The following SPON1 variants were observed in gnomAD, a reference collection of about 807,000 sequenced individuals.
SPON1 encodes spondin 1.
A neutral mutation model predicts 111.7 loss-of-function variants in SPON1; 52 were observed. The ratio of observed to expected loss-of-function variants is 0.47; its 90% confidence interval spans 0.37 to 0.59. SPON1 has a LOEUF of 0.59. SPON1 is among the 20% of genes least tolerant of loss of function. The pLI is 0.00. For synonymous variants in SPON1, 410 were observed against 395.8 expected, an observed-to-expected ratio of 1.04 and a Z score of -0.43; for missense variants, 957 against 1,068.5, an observed-to-expected ratio of 0.90 and a Z score of 1.46.
chr11:14,010,553 T>A lies in SPON1; in HGVS notation c.345+27600T>A, dbSNP rs530791541. 2.0e-4 allele frequency among the ~76,000 whole-genome samples: 30 copies of A among 152,126 alleles called. No homozygotes were observed. In the Middle Eastern group the frequency reaches 0.02, roughly 103 times the overall value. ...TTTAGATTTTCTGAGAGGAAAAAAA[T>A]CTCCTGCTGGCCTAGGCCAAGCAGG... On this transcript the variant is annotated intron_variant, in intron 2 of 15. Transcript: ENST00000576479.
At chr11:14,113,959 C>T (rs1470096058) in intron 5 of SPON1, among the ~76,000 whole-genome samples, 9 of 152,088 alleles carry the variant, frequency 5.9e-5, no homozygotes, top group Non-Finnish European at 4.4e-5. Flanking sequence ...GTATAGGGTA[C>T]ATGAGATGTT....
intron 5 of SPON1, 31 bp downstream of exon 5, chr11:14,080,052 G>A (rs781837092): frequency 3.8e-5 from 61 of 1,613,234 alleles, no homozygotes; most frequent in Non-Finnish European, 4.7e-5. Context: ...GTGGTTTGGG[G>A]AAAAGCACAT....
chr11:14,174,421 T>A (rs1430600283), intron 6 of SPON1, among the ~76,000 whole-genome samples: 1 of 152,204 alleles, frequency 6.6e-6, no homozygotes, highest in African/African-American at 2.4e-5. Context: ...TAATGTGAAG[T>A]AATTTGATAC....
chr11:14,229,951 C>CGT (rs55709324), intron 6 of SPON1, among the ~76,000 whole-genome samples: 26,271 of 144,822 alleles, frequency 0.18, 2,333 homozygotes, highest in South Asian at 0.21. Flanking sequence ...TCTGTGTGTC[C>CGT]GTGTGTGTGT....
At chr11:14,109,146 C>T (rs1849208091) in intron 5 of SPON1, among the ~76,000 whole-genome samples, 3 of 152,178 alleles carry the variant, frequency 2.0e-5, no homozygotes, top group East Asian at 1.9e-4. Context: ...CTCTTTACAA[C>T]TCTTTGTGCC....
chr11:14,140,918 A>C (rs563939248), intron 6 of SPON1, among the ~76,000 whole-genome samples: 1 of 152,202 alleles, frequency 6.6e-6, no homozygotes, highest in African/African-American at 2.4e-5. Context: ...TCTTGGGCAG[A>C]AACAACCTTC....
chr11:14,237,167 C>T (rs1848877055), intron 6 of SPON1, among the ~76,000 whole-genome samples: 1 of 152,204 alleles, frequency 6.6e-6, no homozygotes, highest in Non-Finnish European at 1.5e-5. Context: ...AGAACACTCA[C>T]CCAGGCATGA....
Position 14,018,437 on chromosome 11 carries a change from T to C in SPON1, c.346-23084T>C, listed in dbSNP as rs534004783. Among the ~76,000 whole-genome samples the C allele has an allele frequency of 8.5e-5, 13 of 152,324 alleles. No homozygotes were observed. The South Asian group carries it at 2.3e-3, about 27-fold the overall frequency. On this transcript the variant is annotated intron_variant, in intron 2 of 15. Coordinates refer to ENST00000576479, the MANE Select transcript of SPON1 (RefSeq NM_006108.4). The stretch of plus-strand genomic sequence containing the variant: ...AGTTTAGAAATGACATGGAAATTTC[T>C]AGTTTAATGATGCCAGTAACTGAGA...
At chr11:14,124,789 T>G (rs1847435991) in intron 5 of SPON1, among the ~76,000 whole-genome samples, 1 of 152,236 alleles carries the variant, frequency 6.6e-6, no homozygotes, top group Non-Finnish European at 1.5e-5. Context: ...TAGCACATAG[T>G]ATAATCCCAG....
chr11:13,968,308 G>A (rs1848034886), intron 1 of SPON1, among the ~76,000 whole-genome samples: 2 of 152,268 alleles, frequency 1.3e-5, no homozygotes, highest in South Asian at 4.2e-4. Flanking sequence ...GCTCCATAAG[G>A]CCATCCAGGA....
At chr11:14,077,297 C>A (rs888287380) in intron 4 of SPON1, among the ~76,000 whole-genome samples, 1 of 152,052 alleles carries the variant, frequency 6.6e-6, no homozygotes, top group Non-Finnish European at 1.5e-5. Context: ...CCTAGAGCTG[C>A]ACAGATGAAA....
chr11:14,205,242 T>C (rs1326360069), intron 6 of SPON1, among the ~76,000 whole-genome samples: 2 of 152,232 alleles, frequency 1.3e-5, no homozygotes, highest in African/African-American at 4.8e-5. Flanking sequence ...CATTTGTGCA[T>C]GTGTTGACGC....
At chr11:13,985,303 C>T (rs1439413927) in intron 2 of SPON1, among the ~76,000 whole-genome samples, 9 of 152,206 alleles carry the variant, frequency 5.9e-5, no homozygotes, top group Admixed American at 5.9e-4. Context: ...TATGAAAATG[C>T]CTAGCATATG....
intron 5 of SPON1, among the ~76,000 whole-genome samples, chr11:14,123,156 C>T (rs1466614627): frequency 6.6e-6 from 1 of 151,986 alleles, no homozygotes; most frequent in Non-Finnish European, 1.5e-5. Context: ...TGATCTCAAA[C>T]TCCTGTGCTC....
chr11:14,254,382 C>T, intron 7 of SPON1, 146 bp from the exon 8 acceptor site: 1 of 708,684 alleles, frequency 1.4e-6, no homozygotes, highest in Non-Finnish European at 2.3e-6. Context: ...TATAAACCCA[C>T]AGTGGCCAAA....
intron 6 of SPON1, among the ~76,000 whole-genome samples, chr11:14,187,405 C>T (rs551702633): frequency 6.6e-6 from 1 of 152,306 alleles, no homozygotes; most frequent in Admixed American, 6.5e-5. Flanking sequence ...AGGCAGATGA[C>T]AAAGCCTCTT....
intron 3 of SPON1, among the ~76,000 whole-genome samples, chr11:14,050,464 G>A (rs971833051): frequency 1.3e-5 from 2 of 152,176 alleles, no homozygotes; most frequent in Non-Finnish European, 2.9e-5. Flanking sequence ...TTGCAGTGGA[G>A]ACCATATGTC....
chr11:13,985,672 TCC>T (rs201585136), intron 2 of SPON1, among the ~76,000 whole-genome samples: 2 of 151,768 alleles, frequency 1.3e-5, no homozygotes, highest in African/African-American at 4.9e-5. Flanking sequence ...TTTTCTTTTT[TCC>T]CCTTAATTCT....
At chr11:14,073,452 C>T (rs1424643026) in intron 3 of SPON1, among the ~76,000 whole-genome samples, 1 of 152,184 alleles carries the variant, frequency 6.6e-6, no homozygotes, top group Non-Finnish European at 1.5e-5. Context: ...ATCTGTACTA[C>T]CTCCCTGACT....
Sources: gnomAD v4.1 joint callset for allele counts (sites outside exome capture counted in the v4.1 genomes callset) on GRCh38, gnomAD v4.1.1 for gene constraint, MANE v1.5 for transcripts, NCBI Gene and HGNC (gene_info 2026-07-23, HGNC 2026-07-21) for gene names.